OBSL1: variants seen among roughly 807,000 people sequenced by gnomAD.
OBSL1 encodes obscurin like cytoskeletal adaptor 1.
Under a neutral mutation model 172.0 loss-of-function variants are expected in OBSL1, and 160 were observed. The ratio of observed to expected loss-of-function variants is 0.93; its 90% CI spans 0.82 to 1.06. The LOEUF (loss-of-function observed/expected upper bound fraction) is 1.06. Among genes scored for constraint, OBSL1 ranks in the 50% least tolerant of loss-of-function variants. OBSL1 has a pLI of 0.00. For missense variants in OBSL1, 2,681 were observed against 2,715.4 expected, an observed-to-expected ratio of 0.99 and a Z score of 0.28; for synonymous variants, 1,200 against 1,196.3, an observed-to-expected ratio of 1.00 and a Z score of -0.06.
At position 219,557,930 on chromosome 2, in the gene OBSL1, C is replaced by T. The variant is rs374527702; in HGVS notation, c.3683G>A (p.Arg1228Gln). Residue 1228 changes from arginine (R) to glutamine (Q), a missense_variant, in exon 11 of 21, where the codon CGA (arginine) becomes CAA (glutamine). By Grantham distance (43) the Arg-to-Gln change is conservative (BLOSUM62 1). Around this residue, in one of 5 missense-constraint regions of OBSL1, gnomAD observed 1,765 missense variants for 1,748.3 expected, o/e 1.01. Coordinates refer to ENST00000404537, the MANE Select transcript of OBSL1 (RefSeq NM_015311.3). ...GLELHAEGPR[R>Q]VLCIQAAGPA... ...GCCTGCAGCCTGGATGCAGAGGACT[C>T]GGCGGGGGCCCTCGGCATGGAGCTC... 23 of 1,604,688 alleles carry T rather than the reference C, an allele frequency of 1.4e-5. No homozygotes were observed. Among genetic ancestry groups the T allele is most frequent in the East Asian group, 6.7e-5 (3 of 44,816 alleles).
chr2:219,548,956 T>G, downstream of OBSL1: 2 of 608,032 alleles, frequency 3.3e-6, no homozygotes, highest in Non-Finnish European at 5.8e-6. Flanking sequence ...TAAAGACCTA[T>G]GGAAGAAAAG....
At chr2:219,556,868 C>T in intron 12 of OBSL1, 145 bp from the exon 13 acceptor site, 1 of 882,230 alleles carries the variant, frequency 1.1e-6, no homozygotes, top group South Asian at 2.0e-5. Context: ...CACCGATGGC[C>T]CAAAGGACAA....
intron 4 of OBSL1, 33 bp downstream of exon 4, chr2:219,567,240 A>G: frequency 6.4e-7 from 1 of 1,570,258 alleles, no homozygotes; most frequent in African/African-American, 1.3e-5. Flanking sequence ...AAGGGAGGAG[A>G]AGTGATGGGT....
Position 219,556,630 on chromosome 2 carries a change from T to A in OBSL1, c.4160A>T (p.Asp1387Val). 1 of 1,613,980 alleles carries A rather than the reference T, an allele frequency of 6.2e-7. No homozygotes were observed. Among genetic ancestry groups the A allele is most frequent in the South Asian group, 1.1e-5 (1 of 91,080 alleles). ...ATTGCGCAGCCAGGTGACATCGGCA[T>A]CTGGTGGGGAGACTTCACACCGGAA... ...ATFRCEVSPP[D>V]ADVTWLRNGA... is the part of the protein sequence containing the mutation. The change falls in exon 13 of 21, where the codon GAT becomes GTT. Residue 1387 changes from aspartate to valine, a missense_variant. By Grantham distance (152) the Asp-to-Val change is radical (BLOSUM62 -3). Transcript: ENST00000404537.
At position 219,557,557 on chromosome 2, in the gene OBSL1, G is replaced by A. The variant is rs533142740; in HGVS notation, c.3852C>T (p.Gly1284=). ...GGTGCACCACCAGCTCTAGGTCCCCGCCTGGGGTGCTCCGAACCCTCGTCT... is the reference window on the plus strand; with the variant it reads ...GGTGCACCACCAGCTCTAGGTCCCCACCTGGGGTGCTCCGAACCCTCGTCT... ...AAQTRVRSTP[G]GDLELVVHLS... The change falls in exon 12 of 21, where the codon GGC becomes GGT. Residue 1284 remains glycine (G), a synonymous_variant. Transcript: ENST00000404537. 377 of 1,551,940 alleles carry A rather than the reference G, an allele frequency of 2.4e-4. 3 individuals carry two copies. The South Asian group carries it at 4.0e-3, about 17-fold the overall frequency.
In OBSL1 at chr2:219,552,555, G is replaced by A. The variant is rs1197378130; in HGVS notation, c.5289C>T (p.Arg1763=). ...LGGRPLRPGA[R]VRIRQEGKKH... ...GCAGACCTTCCTGTCGGATGCGGAC[G>A]CGGGCTCCGGGTCTCAGCGGGCGGC... Residue 1763 remains arginine (R), a synonymous_variant, in exon 18 of 21, where the codon CGC becomes CGT. Transcript: ENST00000404537. The A allele has an allele frequency of 1.9e-6, 3 of 1,596,398 alleles. No homozygotes were observed. Among genetic ancestry groups the A allele is most frequent in the Middle Eastern group, 1.7e-4 (1 of 5,958 alleles).
intron 14 of OBSL1, chr2:219,555,550 G>C: frequency 1.2e-6 from 1 of 841,738 alleles, no homozygotes; most frequent in Non-Finnish European, 1.4e-6. Flanking sequence ...AAAGTGTTAG[G>C]ATTATAGGCG....
intron 6 of OBSL1, among the ~76,000 whole-genome samples, chr2:219,564,946 A>C (rs1405348226): frequency 6.6e-6 from 1 of 152,192 alleles, no homozygotes; most frequent in Non-Finnish European, 1.5e-5. Context: ...GCGCACCTGT[A>C]GTCCCAGCTA....
intron 16 of OBSL1, 149 bp from the exon 17 acceptor site, chr2:219,553,173 C>A: frequency 8.4e-7 from 1 of 1,191,172 alleles, no homozygotes; most frequent in Non-Finnish European, 1.1e-6. Context: ...GTCGGACTGT[C>A]CCCAAGCCTT....
In OBSL1 at chr2:219,556,297, T is replaced by G. The variant is rs981580728; in HGVS notation, c.4337-5A>C. 6.3e-7 allele frequency: 1 copy of G among 1,575,644 alleles called. No homozygotes were observed. Among genetic ancestry groups the G allele is most frequent in the African/African-American group, 1.3e-5 (1 of 74,380 alleles). ...GTAGGAACAGCAGCTCTGTCTCTGGTGGGGAAGAAGGAGGCCATGGAGTCT... is the reference window on the plus strand; with the variant it reads ...GTAGGAACAGCAGCTCTGTCTCTGGGGGGGAAGAAGGAGGCCATGGAGTCT... On this transcript the variant is annotated splice_region_variant and splice_polypyrimidine_tract_variant and intron_variant, in intron 13 of 20. Transcript: ENST00000404537.
Position 219,554,537 on chromosome 2 carries a change from C to A in OBSL1, c.4813G>T (p.Asp1605Tyr). The change falls in exon 15 of 21, where the codon GAC (aspartate) becomes TAC (tyrosine). Residue 1605 changes from aspartate (D) to tyrosine (Y), a missense_variant. Asp to Tyr is a radical substitution (Grantham distance 160, BLOSUM62 -3). Coordinates refer to ENST00000404537, the MANE Select transcript of OBSL1 (RefSeq NM_015311.3). Reference protein sequence around the residue: ...RLVLNGLGLADSGCVSFTADS... With the variant: ...RLVLNGLGLAYSGCVSFTADS... ...GCTGTGAAGGAGACACAGCCTGAGT[C>A]GGCCAGGCCCAGGCCATTGAGTACC... The A allele has an allele frequency of 6.2e-7, 1 of 1,613,464 alleles. No individual in the cohort carries two copies. The highest frequency in any genetic ancestry group is 8.5e-7 in the Non-Finnish European group (1 of 1,179,868).
downstream of OBSL1, chr2:219,549,433 C>A: frequency 1.3e-6 from 2 of 1,500,458 alleles, no homozygotes; most frequent in Non-Finnish European, 1.8e-6. Flanking sequence ...GCTTTCCCCA[C>A]GGGCTGGTTG....
chr2:219,558,060 C>A lies in OBSL1; in HGVS notation c.3553G>T (p.Val1185Leu). The change falls in exon 11 of 21, where the codon GTG becomes TTG. Residue 1185 changes from valine to leucine, a missense_variant. Physicochemically the swap from Val to Leu is conservative, Grantham distance 32. Coordinates refer to ENST00000404537, the MANE Select transcript of OBSL1 (RefSeq NM_015311.3). ...ALETTPSPLC[V>L]APGEPVVLSC... ...AGCACCACTGGCTCCCCAGGGGCCA[C>A]ACAGAGCGGGCTTGGAGTTGTCTCT... 6.2e-7 allele frequency: 1 copy of A among 1,613,684 alleles called. No homozygotes were observed. Among genetic ancestry groups the A allele is most frequent in the Non-Finnish European group, 8.5e-7 (1 of 1,179,864 alleles).
downstream of OBSL1, chr2:219,549,363 CCT>C (rs772841496): frequency 8.7e-6 from 14 of 1,606,766 alleles, no homozygotes; most frequent in South Asian, 1.3e-4. Context: ...CGGTGAGCTC[CCT>C]GAGCCCATCC....
downstream of OBSL1, chr2:219,549,389 AG>A (rs763535802): frequency 1.3e-6 from 2 of 1,591,578 alleles, no homozygotes; most frequent in Non-Finnish European, 8.6e-7. Context: ...CAGAATGAGA[AG>A]GAAGTGTGGA....
Position 219,551,711 on chromosome 2 carries a change from C to T in OBSL1, c.5501G>A (p.Arg1834His). The change falls in exon 20 of 21, where the codon CGC becomes CAC. Residue 1834 changes from arginine (R) to histidine (H), a missense_variant. By Grantham distance (29) the Arg-to-His change is conservative. Around this residue, in one of 5 missense-constraint regions of OBSL1, gnomAD observed 1,765 missense variants for 1,748.3 expected, o/e 1.01. Transcript: ENST00000404537. ...RRAVLEVTVS[R>H]SGGHVCWLRE... is the part of the protein sequence containing the mutation. ...CAGCCAGCACACGTGGCCCCCCGAG[C>T]GGGACACAGTCACCTCCAGCACCGC... The T allele has an allele frequency of 6.2e-7, 1 of 1,610,238 alleles. No homozygotes were observed.
At position 219,569,000 on chromosome 2, in the gene OBSL1, T is replaced by C. The variant is rs7583483; in HGVS notation, c.1013-676A>G. On this transcript the variant is annotated intron_variant, in intron 1 of 20. Transcript: ENST00000404537. The surrounding 1 kb of genome is among the most constrained non-coding windows in gnomAD (Gnocchi z 4.1). Reference sequence around the variant, plus strand: ...CTGACCTCAAATGATCCGCCCACCTTAGTCTCCCAAAGTGCTGGGATTACA... The same window carrying C: ...CTGACCTCAAATGATCCGCCCACCTCAGTCTCCCAAAGTGCTGGGATTACA... 0.82 allele frequency among the ~76,000 whole-genome samples: 123,957 copies of C among 150,940 alleles called. 51,989 individuals are homozygous for C. Among genetic ancestry groups the C allele is most frequent in the Non-Finnish European group, 0.9 (61,300 of 67,770 alleles).
In OBSL1 at chr2:219,567,985, GA is replaced by G; in HGVS notation, c.1283-17del. 1 of 1,611,914 alleles carries G rather than the reference GA, an allele frequency of 6.2e-7. No homozygotes were observed. The highest frequency in any genetic ancestry group is 1.3e-5 in the African/African-American group (1 of 75,016). On this transcript the variant is annotated splice_polypyrimidine_tract_variant and intron_variant, in intron 2 of 20. Transcript: ENST00000404537. ...AGGATGGGCCCTGAGATGCGGACAG[GA>G]ATCCATCAACCTGGAATCTGAGCAC...
downstream of OBSL1, among the ~76,000 whole-genome samples, chr2:219,548,467 G>T (rs1695441752): frequency 6.6e-6 from 1 of 152,222 alleles, no homozygotes; most frequent in African/African-American, 2.4e-5. Context: ...AGCTATTAGA[G>T]TTAGGGTGGT....
Sources: gnomAD v4.1 joint callset for allele counts (sites outside exome capture counted in the v4.1 genomes callset) on GRCh38, gnomAD v4.1.1 for gene constraint, gnomAD v4.1.1 regional missense constraint, Gnocchi (gnomAD v3.1) non-coding constraint, MANE v1.5 for transcripts, NCBI Gene and HGNC (gene_info 2026-07-23, HGNC 2026-07-21) for gene names.